Variants in ODR4 observed in about 807,000 individuals in gnomAD.
ODR4 encodes the protein odr-4 GPCR localization factor homolog.
ODR4 carries 47 observed loss-of-function variants against 60.2 expected under a neutral mutation model. The ratio of observed to expected loss-of-function variants is 0.78; its 90% CI spans 0.62 to 1.00. The LOEUF is 1.00. ODR4 is among the 50% of genes least tolerant of loss of function. The pLI, the probability that ODR4 is intolerant of heterozygous loss-of-function variation, is 0.00. For missense variants in ODR4, 488 were observed against 530.8 expected, an observed-to-expected ratio of 0.92 and a Z score of 0.79; for synonymous variants, 178 against 175.5, an observed-to-expected ratio of 1.01 and a Z score of -0.11.
chr1:186,403,827 G>T (rs560040880), intron 11 of ODR4, among the ~76,000 whole-genome samples: 45 of 152,136 alleles, frequency 3.0e-4, no homozygotes, highest in African/African-American at 1.1e-3. Context: ...GAAAATGGAG[G>T]TCATCAGTTA....
At chr1:186,423,443 CTTTTTTTTT>C (rs34515188), downstream of ODR4, among the ~76,000 whole-genome samples, 7 of 44,738 alleles carry the variant, frequency 1.6e-4, 1 homozygote, top group African/African-American at 4.6e-4. Context: ...ACTACTTGTG[CTTTTTTTTT>C]TTTTTTTTTT....
At chr1:186,408,808 A>AT (rs996486630) in intron 12 of ODR4, among the ~76,000 whole-genome samples, 18 of 151,964 alleles carry the variant, frequency 1.2e-4, no homozygotes, top group African/African-American at 4.1e-4. Context: ...AACTTGCCCC[A>AT]TTCACAAGTT....
chr1:186,425,883 A>G (rs1488533864), downstream of ODR4, among the ~76,000 whole-genome samples: 1 of 152,176 alleles, frequency 6.6e-6, no homozygotes, highest in African/African-American at 2.4e-5. Flanking sequence ...CACTTTAAAT[A>G]TTCTATAAAT....
At chr1:186,395,587 C>T (rs184642669) in intron 9 of ODR4, among the ~76,000 whole-genome samples, 174 of 152,244 alleles carry the variant, frequency 1.1e-3, no homozygotes, top group African/African-American at 4.0e-3. Flanking sequence ...TACAGTCCTG[C>T]TGTCATTAGC....
intron 5 of ODR4, among the ~76,000 whole-genome samples, chr1:186,389,145 C>CTT (rs35036799): frequency 2.1e-5 from 3 of 143,806 alleles, no homozygotes; most frequent in Non-Finnish European, 3.1e-5. Flanking sequence ...AGAAGCAGGG[C>CTT]TTTTTTTTTT....
In ODR4 at chr1:186,390,782, A is replaced by G. The variant is rs769220502; in HGVS notation, c.546A>G (p.Thr182=). ...LSSSWLSLEC[T]VHINIHIPLS... is the part of the protein sequence containing the mutation. ...CCTCATGGCTTTCTTTAGAGTGTAC[A>G]GTTCACATTAATATTCACATCCCAC... The change falls in exon 7 of 14, where the codon ACA becomes ACG. Residue 182 remains threonine (T), a synonymous_variant. Transcript: ENST00000287859. The G allele has an allele frequency of 3.1e-6, 5 of 1,612,704 alleles. No individual in the cohort carries two copies. The highest frequency in any genetic ancestry group is 3.4e-6 in the Non-Finnish European group (4 of 1,178,868).
In ODR4 at chr1:186,386,129, T is replaced by C. The variant is rs539132507; in HGVS notation, c.330+46T>C. 78 of 1,084,794 alleles carry C rather than the reference T, an allele frequency of 7.2e-5. 1 individual carries two copies. The East Asian group carries it at 1.5e-3, about 21-fold the overall frequency. 67.2% of individuals were successfully genotyped at this position (1,084,794 alleles called of 1,614,324 possible). ...ATTCTTAATGAAATCAGTTATATGTTATTTTTACTGATTATGAGTATGTGT... is the reference window on the plus strand; with the variant it reads ...ATTCTTAATGAAATCAGTTATATGTCATTTTTACTGATTATGAGTATGTGT... On this transcript the variant is annotated intron_variant, in intron 4 of 13. Transcript: ENST00000287859.
At chr1:186,382,819 A>G (rs1342171935) in intron 2 of ODR4, among the ~76,000 whole-genome samples, 1 of 152,236 alleles carries the variant, frequency 6.6e-6, no homozygotes, top group Non-Finnish European at 1.5e-5. Context: ...AAGATAAACA[A>G]CATGTGAGGG....
chr1:186,434,778 G>A, the ODR4 span, among the ~76,000 whole-genome samples: 3 of 152,190 alleles, frequency 2.0e-5, no homozygotes, highest in East Asian at 1.9e-4. Context: ...CAAGTTACCC[G>A]GAAAGTTCAA....
At chr1:186,389,470 T>G (rs552143956) in intron 5 of ODR4, 118 bp from the exon 6 acceptor site, 10 of 721,894 alleles carry the variant, frequency 1.4e-5, no homozygotes, top group African/African-American at 1.1e-4. Flanking sequence ...CTTTAAAGTG[T>G]TATGATTTTG....
chr1:186,398,379 GGT>G lies in ODR4; in HGVS notation c.849_850del (p.Ala284CysfsTer11). ...ATGTAGCGGTTCTGTAAACCTTAAG[GGT>G]GCTGTGAAATGCAGAGCTTATATCC... ...QICSGSVNLK[G>X]AVKCRAYIHS... On this transcript the variant is annotated frameshift_variant, in exon 10 of 14. Transcript: ENST00000287859. LOFTEE classifies it high-confidence loss of function. 6.2e-7 allele frequency: 1 copy of G among 1,611,344 alleles called. No individual in the cohort carries two copies. Among genetic ancestry groups the G allele is most frequent in the Non-Finnish European group, 8.5e-7 (1 of 1,178,444 alleles).
chr1:186,391,637 G>T, intron 7 of ODR4, 59 bp from the exon 8 acceptor site: 2 of 1,031,444 alleles, frequency 1.9e-6, no homozygotes, highest in South Asian at 2.7e-5. Flanking sequence ...GTAGATTATA[G>T]GAAGTTTAAT....
chr1:186,377,687 G>A (rs1659839613), intron 1 of ODR4, among the ~76,000 whole-genome samples: 1 of 152,130 alleles, frequency 6.6e-6, no homozygotes, highest in Non-Finnish European at 1.5e-5. Context: ...ATTTAGACAA[G>A]CATTCCTAGA....
chr1:186,423,443 CTTTTTTTTTT>C (rs34515188), downstream of ODR4, among the ~76,000 whole-genome samples: 6 of 44,714 alleles, frequency 1.3e-4, no homozygotes, highest in Admixed American at 3.7e-4. Context: ...ACTACTTGTG[CTTTTTTTTTT>C]TTTTTTTTTT....
chr1:186,380,922 G>A (rs1470923198), intron 2 of ODR4, among the ~76,000 whole-genome samples: 1 of 152,144 alleles, frequency 6.6e-6, no homozygotes, highest in Non-Finnish European at 1.5e-5. Flanking sequence ...CTTAATCAAT[G>A]TCAGTCTAGC....
intron 11 of ODR4, among the ~76,000 whole-genome samples, chr1:186,403,131 A>G (rs1244279776): frequency 6.6e-6 from 1 of 152,200 alleles, no homozygotes; most frequent in Admixed American, 6.5e-5. Context: ...TATATTCAAC[A>G]CTTTAGTAAC....
At chr1:186,417,259 G>A in intron 12 of ODR4, 1 of 298,084 alleles carries the variant, frequency 3.4e-6, no homozygotes, top group Non-Finnish European at 6.3e-6. Flanking sequence ...CACCATGCCT[G>A]GCCAACAAAT....
rs746669307 is a variant in ODR4 at position 186,389,641 on chromosome 1, T to C, written c.474+17T>C. 1 of 1,461,190 alleles carries C rather than the reference T, an allele frequency of 6.8e-7. No individual in the cohort carries two copies. Among genetic ancestry groups the C allele is most frequent in the East Asian group, 2.4e-5 (1 of 41,782 alleles). The allele number at this position is 1,461,190 out of a possible 1,614,324, so 90.5% of individuals were successfully genotyped here. A position where few individuals can be genotyped will look rare whatever the true frequency, so the allele number is the denominator to read the frequency against. On this transcript the variant is annotated intron_variant, in intron 6 of 13. Transcript: ENST00000287859. ...GATCCAAAGGTAAGAAATTTACTCT[T>C]TAAAGATTTTTCTGTGTCACAAAGT...
At chr1:186,382,122 C>T (rs1350786532) in intron 2 of ODR4, among the ~76,000 whole-genome samples, 1 of 151,776 alleles carries the variant, frequency 6.6e-6, no homozygotes, top group African/African-American at 2.4e-5. Flanking sequence ...AGCTGAAGAA[C>T]AGATTGGGTG....
Sources: gnomAD v4.1 joint callset for allele counts (sites outside exome capture counted in the v4.1 genomes callset) on GRCh38, gnomAD v4.1.1 for gene constraint, MANE v1.5 for transcripts, NCBI Gene and HGNC (gene_info 2026-07-23, HGNC 2026-07-21) for gene names.